HOXB7: variants seen among roughly 807,000 people sequenced by gnomAD.
The protein encoded by HOXB7 is homeobox protein Hox-B7.
In HOXB7, 11 loss-of-function variants were observed where a neutral mutation model predicts 19.2. That is an observed-to-expected ratio of 0.57 (90% confidence interval 0.36 to 0.95). The LOEUF (loss-of-function observed/expected upper bound fraction) is 0.95. Ranked by LOEUF, HOXB7 falls within the 40% of genes least tolerant of loss-of-function variation. The pLI, the probability that HOXB7 is intolerant of heterozygous loss-of-function variation, is 0.01. For missense variants in HOXB7, 318 were observed against 301.1 expected (o/e 1.06, Z -0.42); for synonymous variants, 141 against 130.2 (o/e 1.08, Z -0.56).
In HOXB7 at chr17:48,607,723, GT is replaced by G; in HGVS notation, c.*118del. The G allele has an allele frequency of 2.9e-6, 2 of 681,454 alleles. No homozygotes were observed. The highest frequency in any genetic ancestry group is 4.3e-6 in the Non-Finnish European group (2 of 463,448). 42.2% of individuals were successfully genotyped at this position (681,454 alleles called of 1,614,324 possible). On this transcript the variant is annotated 3_prime_UTR_variant, in exon 2 of 2. Transcript: ENST00000239165. Reference sequence around the variant, plus strand: ...ATAGGGTTTTTTTTTTGTTTTTTTTGTTTTTTGTTTTGTTTTTTTACTTCCC... The same window carrying G: ...ATAGGGTTTTTTTTTTGTTTTTTTTGTTTTTGTTTTGTTTTTTTACTTCCC...
At chr17:48,610,286 G>A (rs1597887542) in intron 1 of HOXB7, among the ~76,000 whole-genome samples, 3 of 152,248 alleles carry the variant, frequency 2.0e-5, no homozygotes, top group African/African-American at 7.2e-5. Context: ...GCAGCGCCGT[G>A]GTGCCGGCGA....
In HOXB7 at chr17:48,607,991, C is replaced by T. The variant is rs1473536987; in HGVS notation, c.505G>A (p.Glu169Lys). The change falls in exon 2 of 2, where the codon GAG becomes AAG. Residue 169 changes from glutamate to lysine, a missense_variant. Physicochemically the swap from Glu to Lys is moderately conservative, Grantham distance 56. Coordinates refer to ENST00000239165, the MANE Select transcript of HOXB7 (RefSeq NM_004502.4). The stretch of plus-strand genomic sequence containing the variant: ...GTGAGGCAGAGCGTGTGCGCGATCT[C>T]GATGCGCCGCCGCCGCGTCAGGTAG... ...NRYLTRRRRI[E>K]IAHTLCLTER... 4 of 1,614,048 alleles carry T rather than the reference C, an allele frequency of 2.5e-6. No homozygotes were observed. The highest frequency in any genetic ancestry group is 2.7e-5 in the African/African-American group (2 of 74,906).
chr17:48,609,857 C>G (rs1403650635), intron 1 of HOXB7, among the ~76,000 whole-genome samples: 1 of 152,212 alleles, frequency 6.6e-6, no homozygotes, highest in Non-Finnish European at 1.5e-5. Context: ...CCCAGGTTCA[C>G]TGGGATCAGG....
Position 48,610,946 on chromosome 17 carries a change from G to C in HOXB7, c.-28C>G, listed in dbSNP as rs1200323221. ...TTTGGCCGGATGATTTGTAGGCAGG[G>C]ACGTTTTAGTGTCGGTTTTACGAGA... On this transcript the variant is annotated 5_prime_UTR_variant, in exon 1 of 2. Coordinates refer to ENST00000239165, the MANE Select transcript of HOXB7 (RefSeq NM_004502.4). The C allele has an allele frequency of 6.8e-7, 1 of 1,464,098 alleles. No individual in the cohort carries two copies. Among genetic ancestry groups the C allele is most frequent in the Admixed American group, 2.5e-5 (1 of 39,348 alleles). The allele number at this position is 1,464,098 out of a possible 1,614,324, so 90.7% of individuals were successfully genotyped here.
At position 48,607,702 on chromosome 17, in the gene HOXB7, G is replaced by GT; in HGVS notation, c.*139_*140insA. The GT allele has an allele frequency of 9.8e-6, 7 of 716,774 alleles. No homozygotes were observed. The highest frequency in any genetic ancestry group is 2.9e-5 in the East Asian group (1 of 34,012). 44.4% of individuals were successfully genotyped at this position (716,774 alleles called of 1,614,324 possible). A position where few individuals can be genotyped will look rare whatever the true frequency, so the allele number is the denominator to read the frequency against. ...TTTTAAACTCCTTTCATTTAAATAGGGTTTTTTTTTTGTTTTTTTTGTTTT... is the reference window on the plus strand; with the variant it reads ...TTTTAAACTCCTTTCATTTAAATAGGTGTTTTTTTTTTGTTTTTTTTGTTTT... On this transcript the variant is annotated 3_prime_UTR_variant, in exon 2 of 2. Coordinates refer to ENST00000239165, the MANE Select transcript of HOXB7 (RefSeq NM_004502.4).
At chr17:48,610,468 G>A (rs925544754) in intron 1 of HOXB7, 51 bp downstream of exon 1, 2 of 1,384,702 alleles carry the variant, frequency 1.4e-6, no homozygotes, top group African/African-American at 1.5e-5. Flanking sequence ...CGCCTTCAGG[G>A]TAATGTGCCC....
chr17:48,609,401 C>T (rs960826053), intron 1 of HOXB7, among the ~76,000 whole-genome samples: 1 of 152,222 alleles, frequency 6.6e-6, no homozygotes, highest in African/African-American at 2.4e-5. Flanking sequence ...GGCAGTTAAA[C>T]TATGGAGCAG....
chr17:48,610,691 G>A lies in HOXB7; in HGVS notation c.228C>T (p.Ala76=). Residue 76 remains alanine, a synonymous_variant, in exon 1 of 2, where the codon GCC becomes GCT. Coordinates refer to ENST00000239165, the MANE Select transcript of HOXB7 (RefSeq NM_004502.4). ...AGQSAAGVYA[A]GYGLEPSSFN... is the part of the protein sequence containing the mutation. ...AGGAACTCGGCTCGAGCCCATAGCC[G>A]GCCGCGTAGACGCCGGCCGCGCTCT... 6.4e-7 allele frequency: 1 copy of A among 1,574,494 alleles called. No homozygotes were observed. The highest frequency in any genetic ancestry group is 8.6e-7 in the Non-Finnish European group (1 of 1,161,374).
rs201497048 is a variant in HOXB7, at chr17:48,610,761, G to A, written c.158C>T (p.Ala53Val). The part of the protein sequence containing the change: ...YGAGSGASFA[A>V]SMQGLYPGGG... ...GCCGGGGTACAAGCCCTGCATCGAG[G>A]CGGCGAAGGAAGCGCCCGAACCCGC... Residue 53 changes from alanine (A) to valine (V), a missense_variant, in exon 1 of 2, where the codon GCC (alanine) becomes GTC (valine). By Grantham distance (64) the Ala-to-Val change is moderately conservative. Coordinates refer to ENST00000239165, the MANE Select transcript of HOXB7 (RefSeq NM_004502.4). 5 of 1,598,776 alleles carry A rather than the reference G, an allele frequency of 3.1e-6. No homozygotes were observed. The Admixed American group carries it at 5.2e-5, about 17-fold the overall frequency.
rs1166879288 is a variant in HOXB7, at chr17:48,610,803, TG to T, written c.115del (p.Gln39SerfsTer124). On this transcript the variant is annotated frameshift_variant, in exon 1 of 2. Coordinates refer to ENST00000239165, the MANE Select transcript of HOXB7 (RefSeq NM_004502.4). LOFTEE classifies it high-confidence loss of function. ...CGAACCCGCTCCATAGCCCGGGCGC[TG>T]GGGGTTGGAAGCAAACGCACAAGAA... is the stretch of plus-strand genomic sequence containing the variant. ...QTSCAFASNP[Q>X]RPGYGAGSGA... is the part of the protein sequence containing the mutation. The T allele has an allele frequency of 6.3e-7, 1 of 1,594,698 alleles. No individual in the cohort carries two copies. The highest frequency in any genetic ancestry group is 8.5e-7 in the Non-Finnish European group (1 of 1,170,454).
chr17:48,607,915 T>G lies in HOXB7; in HGVS notation c.581A>C (p.Lys194Thr). 1 of 1,614,104 alleles carries G rather than the reference T, an allele frequency of 6.2e-7. No individual in the cohort carries two copies. The stretch of plus-strand genomic sequence containing the variant: ...CCCCGGGCCCGCGGTCTTGTTCTCC[T>G]TTTTCCACTTCATGCGCCGGTTCTG... ...WFQNRRMKWKKENKTAGPGTT... is the reference protein window; with the variant it reads ...WFQNRRMKWKTENKTAGPGTT... The change falls in exon 2 of 2, where the codon AAG becomes ACG. Residue 194 changes from lysine (K) to threonine (T), a missense_variant. By Grantham distance (78) the Lys-to-Thr change is moderately conservative. Coordinates refer to ENST00000239165, the MANE Select transcript of HOXB7 (RefSeq NM_004502.4).
chr17:48,610,086 G>A (rs2070627561), intron 1 of HOXB7, among the ~76,000 whole-genome samples: 1 of 152,168 alleles, frequency 6.6e-6, no homozygotes, highest in African/African-American at 2.4e-5. Flanking sequence ...AGTGGGGCAG[G>A]GGGACACACC....
rs764769851 is a variant in HOXB7, at chr17:48,608,027, G to T, written c.469C>A (p.His157Asn). ...YQTLELEKEFHYNRYLTRRRR... is the reference protein window; with the variant it reads ...YQTLELEKEFNYNRYLTRRRR... ...CGCCGCGTCAGGTAGCGATTGTAGT[G>T]AAATTCTTTCTCCAGCTCCAGGGTC... Residue 157 changes from histidine to asparagine, a missense_variant, in exon 2 of 2, where the codon CAC becomes AAC. Transcript: ENST00000239165. The T allele has an allele frequency of 6.2e-7, 1 of 1,614,228 alleles. No individual in the cohort carries two copies. Among genetic ancestry groups the T allele is most frequent in the Non-Finnish European group, 8.5e-7 (1 of 1,180,044 alleles).
In HOXB7 at chr17:48,610,687, A is replaced by C. The variant is rs1238280529; in HGVS notation, c.232T>G (p.Tyr78Asp). 15 of 1,574,556 alleles carry C rather than the reference A, an allele frequency of 9.5e-6. No individual in the cohort carries two copies. Among genetic ancestry groups the C allele is most frequent in the Non-Finnish European group, 1.3e-5 (15 of 1,161,382 alleles). Residue 78 changes from tyrosine (Y) to aspartate (D), a missense_variant, in exon 1 of 2, where the codon TAT becomes GAT. Physicochemically the swap from Tyr to Asp is radical, Grantham distance 160. Transcript: ENST00000239165. ...TTGAAGGAACTCGGCTCGAGCCCAT[A>C]GCCGGCCGCGTAGACGCCGGCCGCG... ...QSAAGVYAAGYGLEPSSFNMH... is the reference protein window; with the variant it reads ...QSAAGVYAAGDGLEPSSFNMH...
At chr17:48,608,140 C>G (rs1364762566) in intron 1 of HOXB7, 45 bp from the exon 2 acceptor site, 3 of 1,583,046 alleles carry the variant, frequency 1.9e-6, no homozygotes, top group Non-Finnish European at 2.6e-6. Flanking sequence ...AAGAAAACGC[C>G]GGCCGGGCGC....
Position 48,607,797 on chromosome 17 carries a change from T to C in HOXB7, c.*45A>G. 6.7e-7 allele frequency: 1 copy of C among 1,486,718 alleles called. No homozygotes were observed. 92.1% of individuals were successfully genotyped at this position (1,486,718 alleles called of 1,614,324 possible). A position where few individuals can be genotyped will look rare whatever the true frequency, so the allele number is the denominator to read the frequency against. ...TCAGTTCCCAGAGCTGGGCTTCTCTTCCTCTCCCTTTCTCATGTCTCTTCC... is the reference window on the plus strand; with the variant it reads ...TCAGTTCCCAGAGCTGGGCTTCTCTCCCTCTCCCTTTCTCATGTCTCTTCC... On this transcript the variant is annotated 3_prime_UTR_variant, in exon 2 of 2. Coordinates refer to ENST00000239165, the MANE Select transcript of HOXB7 (RefSeq NM_004502.4).
chr17:48,608,872 T>C (rs1357547961), intron 1 of HOXB7, among the ~76,000 whole-genome samples: 1 of 152,200 alleles, frequency 6.6e-6, no homozygotes, highest in Non-Finnish European at 1.5e-5. Flanking sequence ...GCGCCAGGCC[T>C]AGCTTAAGAA....
In HOXB7 at chr17:48,608,039, C is replaced by A. The variant is rs1242345046; in HGVS notation, c.457G>T (p.Glu153Ter). The change falls in exon 2 of 2, where the codon GAG (glutamate) becomes TAG (stop). Residue 153 changes from glutamate (E) to a stop codon, truncating the protein, a stop_gained. Coordinates refer to ENST00000239165, the MANE Select transcript of HOXB7 (RefSeq NM_004502.4). LOFTEE classifies it high-confidence loss of function. ...TAGCGATTGTAGTGAAATTCTTTCT[C>A]CAGCTCCAGGGTCTGGTAGCGGGTG... is the stretch of plus-strand genomic sequence containing the variant. ...TYTRYQTLEL[E>*]KEFHYNRYLT... 7.4e-6 allele frequency: 12 copies of A among 1,614,228 alleles called. No individual in the cohort carries two copies. Among genetic ancestry groups the A allele is most frequent in the Non-Finnish European group, 1.0e-5 (12 of 1,180,042 alleles).
rs1330282869 is a variant in HOXB7 at position 48,610,762 on chromosome 17, C to A, written c.157G>T (p.Ala53Ser). The A allele has an allele frequency of 9.4e-6, 15 of 1,597,750 alleles. No individual in the cohort carries two copies. Among genetic ancestry groups the A allele is most frequent in the Admixed American group, 1.7e-5 (1 of 57,718 alleles). The part of the protein sequence containing the change: ...YGAGSGASFA[A>S]SMQGLYPGGG... Reference sequence around the variant, plus strand: ...CCGGGGTACAAGCCCTGCATCGAGGCGGCGAAGGAAGCGCCCGAACCCGCT... The same window carrying A: ...CCGGGGTACAAGCCCTGCATCGAGGAGGCGAAGGAAGCGCCCGAACCCGCT... The change falls in exon 1 of 2, where the codon GCC (alanine) becomes TCC (serine). Residue 53 changes from alanine (A) to serine (S), a missense_variant. Physicochemically the swap from Ala to Ser is moderately conservative, Grantham distance 99 (BLOSUM62 1). Coordinates refer to ENST00000239165, the MANE Select transcript of HOXB7 (RefSeq NM_004502.4).
Sources: gnomAD v4.1 joint callset for allele counts (sites outside exome capture counted in the v4.1 genomes callset) on GRCh38, gnomAD v4.1.1 for gene constraint, MANE v1.5 for transcripts, NCBI Gene and HGNC (gene_info 2026-07-23, HGNC 2026-07-21) for gene names.